The following DIAPH3 variants were observed in gnomAD, a reference collection of about 807,000 sequenced individuals.
The protein encoded by DIAPH3 is protein diaphanous homolog 3.
Under a neutral mutation model 144.3 loss-of-function variants are expected in DIAPH3, and 117 were observed. The ratio of observed to expected loss-of-function variants is 0.81; its 90% CI spans 0.70 to 0.95. The LOEUF is 0.95. Ranked by LOEUF, DIAPH3 falls within the 40% of genes least tolerant of loss-of-function variation. The pLI is 0.00. For missense variants in DIAPH3, 1,421 were observed against 1,412.7 expected (o/e 1.01, Z -0.09); for synonymous variants, 519 against 488.9 (o/e 1.06, Z -0.81).
At chr13:60,105,558 T>C (rs1171074610) in intron 3 of DIAPH3, among the ~76,000 whole-genome samples, 1 of 152,188 alleles carries the variant, frequency 6.6e-6, no homozygotes, top group Non-Finnish European at 1.5e-5. Flanking sequence ...TGCCTTGAAC[T>C]ACTATACTCT....
chr13:59,807,369 A>C lies in DIAPH3; in HGVS notation c.3163+3419T>G, dbSNP rs75677833. On this transcript the variant is annotated intron_variant, in intron 25 of 27. Coordinates refer to ENST00000400324, the MANE Select transcript of DIAPH3 (RefSeq NM_001042517.2). ...AAAAATTCAAAGTTGACTTGCAAAA[A>C]TTTCAAACGTTTTTAAAAGACAAAG... Among the ~76,000 whole-genome samples the C allele has an allele frequency of 3.4e-4, 51 of 152,148 alleles. No individual in the cohort carries two copies. In the East Asian group the frequency reaches 4.2e-3, roughly 13 times the overall value.
intron 16 of DIAPH3, 116 bp from the exon 17 acceptor site, chr13:59,970,174 C>G (rs2140565567): frequency 2.0e-6 from 1 of 500,964 alleles, no homozygotes; most frequent in South Asian, 4.1e-5. Context: ...AAAGTCGTAT[C>G]TGTAAGATTT....
chr13:59,811,021 T>G, intron 24 of DIAPH3, 98 bp from the exon 25 acceptor site: 1 of 1,167,292 alleles, frequency 8.6e-7, no homozygotes, highest in Non-Finnish European at 1.2e-6. Flanking sequence ...AGAAACATGA[T>G]TATCTTTTAG....
intron 20 of DIAPH3, among the ~76,000 whole-genome samples, chr13:59,908,020 C>G (rs2046818370): frequency 6.6e-6 from 1 of 151,994 alleles, no homozygotes; most frequent in Non-Finnish European, 1.5e-5. Flanking sequence ...AATTTGTATA[C>G]CATACTCTAC....
At chr13:59,670,732 G>A (rs564766713) in intron 27 of DIAPH3, among the ~76,000 whole-genome samples, 233 of 152,038 alleles carry the variant, frequency 1.5e-3, no homozygotes, top group Admixed American at 2.5e-3. Flanking sequence ...ACAGGCGCCC[G>A]CCACCACGCC....
At chr13:60,054,667 G>A (rs2056489100) in intron 4 of DIAPH3, among the ~76,000 whole-genome samples, 1 of 152,022 alleles carries the variant, frequency 6.6e-6, no homozygotes, top group Non-Finnish European at 1.5e-5. Context: ...TAAGAGCAGA[G>A]CAGAGTCAGT....
intron 12 of DIAPH3, among the ~76,000 whole-genome samples, chr13:59,988,316 A>C (rs990364383): frequency 6.6e-6 from 1 of 151,902 alleles, no homozygotes; most frequent in African/African-American, 2.4e-5. Context: ...ATTTAAACAC[A>C]TTTACATCTA....
At chr13:59,729,252 A>G (rs757614884) in intron 27 of DIAPH3, among the ~76,000 whole-genome samples, 1 of 152,220 alleles carries the variant, frequency 6.6e-6, no homozygotes, top group Non-Finnish European at 1.5e-5. Context: ...CGTATCAGTC[A>G]GGCAATTACT....
chr13:59,853,399 TAGG>T (rs2043089677), intron 22 of DIAPH3, among the ~76,000 whole-genome samples: 1 of 152,160 alleles, frequency 6.6e-6, no homozygotes, highest in Admixed American at 6.6e-5. Context: ...AGGGCACTGA[TAGG>T]AGGTGATTGG....
At chr13:59,911,609 A>C in intron 20 of DIAPH3, 126 bp downstream of exon 20, 2 of 736,498 alleles carry the variant, frequency 2.7e-6, no homozygotes. Flanking sequence ...AGTTAAAAAA[A>C]AGTAAGATGG....
chr13:59,723,279 G>C (rs2035433826), intron 27 of DIAPH3, among the ~76,000 whole-genome samples: 1 of 152,146 alleles, frequency 6.6e-6, no homozygotes, highest in Admixed American at 6.5e-5. Context: ...AAGCTTCTTA[G>C]AGTCAGTGAG....
intron 12 of DIAPH3, among the ~76,000 whole-genome samples, chr13:59,990,148 G>A (rs1232733697): frequency 6.6e-6 from 1 of 151,660 alleles, no homozygotes. Context: ...AAAAAAATCA[G>A]TTACTAAACT....
chr13:60,029,271 C>A (rs1333268912), intron 5 of DIAPH3, among the ~76,000 whole-genome samples: 1 of 152,128 alleles, frequency 6.6e-6, no homozygotes, highest in Non-Finnish European at 1.5e-5. Context: ...CATTCACCCA[C>A]CCCTTGGCCC....
intron 25 of DIAPH3, among the ~76,000 whole-genome samples, chr13:59,775,997 G>T (rs1045741739): frequency 1.3e-5 from 2 of 152,144 alleles, no homozygotes; most frequent in African/African-American, 4.8e-5. Flanking sequence ...CAAGAAAACC[G>T]TAAGGACTTT....
chr13:59,818,191 C>G (rs1327624386), intron 24 of DIAPH3, among the ~76,000 whole-genome samples: 1 of 151,756 alleles, frequency 6.6e-6, no homozygotes, highest in African/African-American at 2.4e-5. Flanking sequence ...GCCTGCAAAC[C>G]TGAAATATTT....
chr13:59,924,423 A>T (rs1167825583), intron 18 of DIAPH3, among the ~76,000 whole-genome samples: 4 of 152,124 alleles, frequency 2.6e-5, no homozygotes, highest in Non-Finnish European at 5.9e-5. Context: ...TTATAAAAGA[A>T]GCAATACACT....
chr13:59,874,346 A>G (rs2044472098), intron 21 of DIAPH3, among the ~76,000 whole-genome samples: 1 of 152,236 alleles, frequency 6.6e-6, no homozygotes, highest in Admixed American at 6.5e-5. Context: ...TGGAAACATT[A>G]AAGAATATGA....
chr13:60,008,237 CA>C (rs957690746), intron 9 of DIAPH3, among the ~76,000 whole-genome samples: 3 of 150,810 alleles, frequency 2.0e-5, no homozygotes, highest in East Asian at 1.9e-4. Context: ...ACTAAAAATA[CA>C]AAAAAAAATT....
chr13:59,774,773 C>A lies in DIAPH3; in HGVS notation c.3214G>T (p.Gly1072Trp). The change falls in exon 26 of 28, where the codon GGG (glycine) becomes TGG (tryptophan). Residue 1072 changes from glycine to tryptophan, a missense_variant. Physicochemically the swap from Gly to Trp is radical, Grantham distance 184. Transcript: ENST00000400324. ...TTTCTTCTGTCGCGGAAGGCAGCCCCGGACTGCAAGGCCTCCAGCAGATTA... is the reference window on the plus strand; with the variant it reads ...TTTCTTCTGTCGCGGAAGGCAGCCCAGGACTGCAAGGCCTCCAGCAGATTA... ...MDNLLEALQS[G>W]AAFRDRRKRT... 1 of 1,614,150 alleles carries A rather than the reference C, an allele frequency of 6.2e-7. No homozygotes were observed. Among genetic ancestry groups the A allele is most frequent in the Non-Finnish European group, 8.5e-7 (1 of 1,180,032 alleles).
Sources: allele counts gnomAD v4.1 joint callset (sites outside exome capture counted in the v4.1 genomes callset), GRCh38; gene constraint gnomAD v4.1.1; transcripts MANE v1.5; gene names NCBI Gene and HGNC (gene_info 2026-07-23, HGNC 2026-07-21).